Variants in ADD3 observed in about 807,000 individuals in gnomAD.
ADD3 encodes adducin 3.
ADD3 carries 25 observed loss-of-function variants against 80.2 expected under a neutral mutation model. The ratio of observed to expected loss-of-function variants is 0.31; its 90% CI spans 0.23 to 0.44. The LOEUF (loss-of-function observed/expected upper bound fraction) is 0.44, where lower values mean the gene tolerates loss of function less well. Ranked by LOEUF, ADD3 falls within the 20% of genes least tolerant of loss-of-function variation. The pLI, the probability that ADD3 is intolerant of heterozygous loss-of-function variation, is 1.00. For missense variants in ADD3, 829 were observed against 847.5 expected (o/e 0.98, Z 0.27); for synonymous variants, 284 against 289.6 (o/e 0.98, Z 0.20).
chr10:110,013,029 A>G (rs1852514331), intron 1 of ADD3, among the ~76,000 whole-genome samples: 1 of 152,020 alleles, frequency 6.6e-6, no homozygotes, highest in Non-Finnish European at 1.5e-5. Context: ...ATTGGTTTGT[A>G]TACGGTACAT....
chr10:110,100,307 GT>G lies in ADD3; in HGVS notation c.-29-317del, dbSNP rs539427777. Among the ~76,000 whole-genome samples, 524 of 140,000 alleles carry G rather than the reference GT, an allele frequency of 3.7e-3. 6 individuals are homozygous for G. The highest frequency in any genetic ancestry group is 2.9e-3 in the Non-Finnish European group (194 of 66,980). The allele number at this position is 140,000 out of a possible 152,430, so 91.8% of individuals were successfully genotyped here. A position where few individuals can be genotyped will look rare whatever the true frequency, so the allele number is the denominator to read the frequency against. ...GGAGGTTGCATTGAGCCAAGATCAC[GT>G]CACTGCACTCCAGCCTGGGTGACAC... is the stretch of plus-strand genomic sequence containing the variant. On this transcript the variant is annotated intron_variant, in intron 1 of 14. Transcript: ENST00000356080.
intron 13 of ADD3, among the ~76,000 whole-genome samples, chr10:110,131,249 A>T (rs55940812): frequency 0.011 from 1,618 of 152,310 alleles, 32 homozygotes; most frequent in African/African-American, 0.038. Context: ...AAGACTTGTT[A>T]ATGAAAACAT....
At chr10:110,097,811 G>A (rs1848348345) in intron 1 of ADD3, among the ~76,000 whole-genome samples, 1 of 144,696 alleles carries the variant, frequency 6.9e-6, no homozygotes, top group Non-Finnish European at 1.5e-5. Flanking sequence ...GTCTCGCTCT[G>A]TCACCCAGGC....
chr10:110,125,902 C>G lies in ADD3; in HGVS notation c.1478C>G (p.Pro493Arg), dbSNP rs1311595365. The G allele has an allele frequency of 6.2e-7, 1 of 1,609,494 alleles. No homozygotes were observed. The highest frequency in any genetic ancestry group is 1.7e-5 in the Admixed American group (1 of 59,910). The change falls in exon 11 of 15, where the codon CCT (proline) becomes CGT (arginine). Residue 493 changes from proline (P) to arginine (R), a missense_variant. Physicochemically the swap from Pro to Arg is moderately radical, Grantham distance 103. Transcript: ENST00000356080. ...IKIEDPNQFV[P>R]LNTNPNEVLE... ...ATTGAAGATCCAAATCAGTTTGTTC[C>G]TTTAAACACAAACCCGAATGAGGTA...
intron 1 of ADD3, among the ~76,000 whole-genome samples, chr10:110,088,907 C>T (rs997217087): frequency 6.6e-6 from 1 of 152,176 alleles, no homozygotes; most frequent in African/African-American, 2.4e-5. Flanking sequence ...AAATCAGTTT[C>T]CTAGACTAGC....
At chr10:110,061,585 G>A (rs894003939) in intron 1 of ADD3, among the ~76,000 whole-genome samples, 4 of 152,164 alleles carry the variant, frequency 2.6e-5, no homozygotes, top group African/African-American at 7.2e-5. Context: ...GCTTGTAGAG[G>A]AAGGAATATC....
Position 110,097,849 on chromosome 10 carries a change from A to ACTGCAAGCTCCACCTCC in ADD3, c.-29-2774_-29-2758dup, listed in dbSNP as rs573786002. Among the ~76,000 whole-genome samples the ACTGCAAGCTCCACCTCC allele has an allele frequency of 4.2e-3, 615 of 146,526 alleles. 5 individuals carry two copies. Among genetic ancestry groups the ACTGCAAGCTCCACCTCC allele is most frequent in the African/African-American group, 0.015 (584 of 39,082 alleles). On this transcript the variant is annotated intron_variant, in intron 1 of 14. Transcript: ENST00000356080. ...GAGTGCAGTGGTGTGATCTCGGCTC[A>ACTGCAAGCTCCACCTCC]CTGCAAGCTCCACCTCCCAGGTTCA...
chr10:110,082,816 A>G (rs1846228701), intron 1 of ADD3, among the ~76,000 whole-genome samples: 2 of 152,144 alleles, frequency 1.3e-5, no homozygotes, highest in South Asian at 4.1e-4. Flanking sequence ...ATATCTTCAC[A>G]CTTTTTTTGT....
At chr10:110,083,643 C>T (rs1414758917) in intron 1 of ADD3, among the ~76,000 whole-genome samples, 2 of 152,078 alleles carry the variant, frequency 1.3e-5, no homozygotes, top group Non-Finnish European at 2.9e-5. Context: ...TCTTTCCTAT[C>T]GTTTTTTCAG....
chr10:110,006,434 C>T (rs553319615), upstream of ADD3, among the ~76,000 whole-genome samples: 63 of 152,188 alleles, frequency 4.1e-4, no homozygotes, highest in African/African-American at 1.5e-3. Context: ...CCAGCCACTC[C>T]CAATATCTCT....
At chr10:110,078,254 C>T (rs1033453339) in intron 1 of ADD3, among the ~76,000 whole-genome samples, 1 of 152,140 alleles carries the variant, frequency 6.6e-6, no homozygotes, top group Non-Finnish European at 1.5e-5. Flanking sequence ...ACATTAGTTT[C>T]TTTACCTGTA....
chr10:110,127,689 G>C (rs1852355277), intron 12 of ADD3, among the ~76,000 whole-genome samples: 1 of 152,198 alleles, frequency 6.6e-6, no homozygotes, highest in African/African-American at 2.4e-5. Flanking sequence ...TAATCTCTCT[G>C]TTCCAGCCCC....
At chr10:110,052,707 T>C (rs191339048) in intron 1 of ADD3, among the ~76,000 whole-genome samples, 6 of 152,316 alleles carry the variant, frequency 3.9e-5, no homozygotes, top group Non-Finnish European at 5.9e-5. Flanking sequence ...CTTTGACAAA[T>C]AGCTTATATC....
At chr10:110,045,850 A>G (rs894686409) in intron 1 of ADD3, among the ~76,000 whole-genome samples, 3 of 152,218 alleles carry the variant, frequency 2.0e-5, no homozygotes, top group African/African-American at 7.2e-5. Context: ...TAGTCCTGTA[A>G]TCATGTAGCC....
At chr10:110,117,276 G>T (rs1488771940) in intron 4 of ADD3, 66 bp from the exon 5 acceptor site, 6 of 750,134 alleles carry the variant, frequency 8.0e-6, no homozygotes, top group South Asian at 3.5e-5. Context: ...AAATATATTT[G>T]TAGTCATGTT....
At chr10:110,074,026 C>G (rs1025811553) in intron 1 of ADD3, among the ~76,000 whole-genome samples, 1 of 152,074 alleles carries the variant, frequency 6.6e-6, no homozygotes, top group Non-Finnish European at 1.5e-5. Flanking sequence ...CCAAGCAAAG[C>G]TCATCTCTGT....
intron 13 of ADD3, 43 bp downstream of exon 13, chr10:110,130,529 T>C: frequency 4.4e-6 from 7 of 1,602,694 alleles, no homozygotes; most frequent in Non-Finnish European, 6.0e-6. Flanking sequence ...GCCACACTGA[T>C]AACAATAAAG....
chr10:110,044,269 T>C (rs897530909), intron 1 of ADD3, among the ~76,000 whole-genome samples: 5 of 152,196 alleles, frequency 3.3e-5, no homozygotes, highest in African/African-American at 1.2e-4. Flanking sequence ...TAAATGAAAC[T>C]TTATAGATTG....
chr10:110,043,856 G>A (rs917798221), intron 1 of ADD3, among the ~76,000 whole-genome samples: 4 of 152,182 alleles, frequency 2.6e-5, no homozygotes, highest in African/African-American at 9.6e-5. Context: ...GTAGCTCAAA[G>A]GAAATACTAT....
Sources: gnomAD v4.1 joint callset for allele counts (sites outside exome capture counted in the v4.1 genomes callset) on GRCh38, gnomAD v4.1.1 for gene constraint, MANE v1.5 for transcripts, NCBI Gene and HGNC (gene_info 2026-07-23, HGNC 2026-07-21) for gene names.